The following CDC14B variants were observed in gnomAD, a reference collection of about 807,000 sequenced individuals.
CDC14B encodes the protein dual specificity protein phosphatase CDC14B.
CDC14B carries 22 observed loss-of-function variants against 64.2 expected under a neutral mutation model. That is an observed-to-expected ratio of 0.34 (90% CI 0.24 to 0.49). The LOEUF (loss-of-function observed/expected upper bound fraction) is 0.49. Among genes scored for constraint, CDC14B ranks in the 20% least tolerant of loss-of-function variants. The probability of loss-of-function intolerance (pLI) is 0.99; values close to 1 mark genes in which losing one functional copy is unlikely to be tolerated. For synonymous variants in CDC14B, 191 were observed against 215.8 expected, an observed-to-expected ratio of 0.89 and a Z score of 1.01; for missense variants, 498 against 629.9, an observed-to-expected ratio of 0.79 and a Z score of 2.24.
rs575021229 is a variant in CDC14B at position 96,565,592 on chromosome 9, C to T, written c.161-109G>A. The stretch of plus-strand genomic sequence containing the variant: ...GTCAATTTTTCATTTTTTTCATGCA[C>T]GTTTCAGATGGTAGGAGTGGTAATG... On this transcript the variant is annotated intron_variant, in intron 1 of 13. Coordinates refer to ENST00000375241, the MANE Select transcript of CDC14B (RefSeq NM_033331.4). 1.3e-3 allele frequency: 986 copies of T among 779,908 alleles called. 3 individuals are homozygous for T. The highest frequency in any genetic ancestry group is 1.8e-3 in the Non-Finnish European group (766 of 432,834). 48.3% of individuals were successfully genotyped at this position (779,908 alleles called of 1,614,324 possible). A position where few individuals can be genotyped will look rare whatever the true frequency, so the allele number is the denominator to read the frequency against.
At chr9:96,569,446 C>CA (rs767360807) in intron 1 of CDC14B, among the ~76,000 whole-genome samples, 5 of 152,166 alleles carry the variant, frequency 3.3e-5, no homozygotes, top group Non-Finnish European at 7.4e-5. Context: ...ACCTTAAGTT[C>CA]AATTCCTTAA....
chr9:96,542,500 T>C (rs1840199761), intron 5 of CDC14B, among the ~76,000 whole-genome samples: 1 of 152,110 alleles, frequency 6.6e-6, no homozygotes, highest in Non-Finnish European at 1.5e-5. Context: ...GGGTTTTTTT[T>C]TTAAACTTTT....
chr9:96,549,037 T>C (rs1841401675), intron 5 of CDC14B, among the ~76,000 whole-genome samples: 2 of 152,232 alleles, frequency 1.3e-5, no homozygotes, highest in Non-Finnish European at 2.9e-5. Flanking sequence ...TTAATTCTGA[T>C]TGGACTACTT....
At chr9:96,514,034 C>A (rs1222313385) in intron 12 of CDC14B, among the ~76,000 whole-genome samples, 1 of 152,178 alleles carries the variant, frequency 6.6e-6, no homozygotes, top group Non-Finnish European at 1.5e-5. Flanking sequence ...TGATTAACAC[C>A]ACTGTAACTG....
At chr9:96,595,965 A>C (rs887965528) in intron 1 of CDC14B, among the ~76,000 whole-genome samples, 1 of 152,236 alleles carries the variant, frequency 6.6e-6, no homozygotes, top group Non-Finnish European at 1.5e-5. Context: ...TTGACATTTG[A>C]ATACTATATA....
intron 1 of CDC14B, among the ~76,000 whole-genome samples, chr9:96,609,588 G>T (rs1477727001): frequency 6.6e-6 from 1 of 152,062 alleles, no homozygotes; most frequent in East Asian, 1.9e-4. Flanking sequence ...GATAATAAAT[G>T]AGCAAAACGC....
chr9:96,600,865 T>C (rs1335187448), intron 1 of CDC14B, among the ~76,000 whole-genome samples: 2 of 152,134 alleles, frequency 1.3e-5, no homozygotes, highest in Non-Finnish European at 1.5e-5. Flanking sequence ...AGGGATGGTG[T>C]CCACAACTCC....
At chr9:96,510,542 T>C (rs1834772090) in intron 12 of CDC14B, among the ~76,000 whole-genome samples, 1 of 152,196 alleles carries the variant, frequency 6.6e-6, no homozygotes, top group Admixed American at 6.5e-5. Flanking sequence ...GGTTTTTTTT[T>C]TTCTTTCCTC....
chr9:96,562,957 G>A (rs1843416716), intron 3 of CDC14B, among the ~76,000 whole-genome samples, 172 bp from the exon 4 acceptor site: 1 of 152,080 alleles, frequency 6.6e-6, no homozygotes, highest in East Asian at 1.9e-4. Context: ...CCATAAAAAG[G>A]CACATTCTGG....
Position 96,502,050 on chromosome 9 carries a change from T to A in CDC14B, c.*1703A>T, listed in dbSNP as rs1426005627. 6.6e-6 allele frequency: 1 copy of A among 152,208 alleles called. No homozygotes were observed. The highest frequency in any genetic ancestry group is 2.4e-5 in the African/African-American group (1 of 41,450). The allele number at this position is 152,208 out of a possible 1,614,324, so 9.4% of individuals were successfully genotyped here. ...TCTCAGCTCAAAATAGCAAAAGGAATGTTCCTCCTCCCACCCAAATCTTAT... is the reference window on the plus strand; with the variant it reads ...TCTCAGCTCAAAATAGCAAAAGGAAAGTTCCTCCTCCCACCCAAATCTTAT... On this transcript the variant is annotated 3_prime_UTR_variant, in exon 14 of 14. Transcript: ENST00000375241.
At chr9:96,604,835 C>CT (rs911859698) in intron 1 of CDC14B, among the ~76,000 whole-genome samples, 3 of 151,920 alleles carry the variant, frequency 2.0e-5, no homozygotes, top group African/African-American at 7.3e-5. Flanking sequence ...TGCCCAGCTA[C>CT]TTTTTTTGTA....
chr9:96,551,921 A>G, intron 4 of CDC14B, 49 bp from the exon 5 acceptor site: 1 of 1,578,034 alleles, frequency 6.3e-7, no homozygotes, highest in Non-Finnish European at 8.6e-7. Flanking sequence ...AAGTGAAGAT[A>G]CAGTGCTGTC....
intron 9 of CDC14B, among the ~76,000 whole-genome samples, chr9:96,524,333 G>A (rs1261403331): frequency 6.7e-6 from 1 of 149,978 alleles, no homozygotes; most frequent in Non-Finnish European, 1.5e-5. Flanking sequence ...TAGCCGAGGT[G>A]GAGAATCACT....
intron 1 of CDC14B, among the ~76,000 whole-genome samples, chr9:96,593,505 G>C (rs898089486): frequency 7.0e-6 from 1 of 143,810 alleles, no homozygotes; most frequent in African/African-American, 2.6e-5. Context: ...AAAAAAAAAA[G>C]CAAGCCATAC....
intron 1 of CDC14B, among the ~76,000 whole-genome samples, chr9:96,586,076 C>T (rs1235120505): frequency 6.6e-6 from 1 of 151,990 alleles, no homozygotes; most frequent in Non-Finnish European, 1.5e-5. Context: ...AGGAAAGACC[C>T]AGGGAACTTT....
At position 96,599,576 on chromosome 9, in the gene CDC14B, T is replaced by C. The variant is rs190967216; in HGVS notation, c.160+19643A>G. Among the ~76,000 whole-genome samples the C allele has an allele frequency of 2.5e-3, 379 of 152,276 alleles. 1 individual carries two copies. The highest frequency in any genetic ancestry group is 8.6e-3 in the African/African-American group (358 of 41,570). On this transcript the variant is annotated intron_variant, in intron 1 of 13. Coordinates refer to ENST00000375241, the MANE Select transcript of CDC14B (RefSeq NM_033331.4). ...GACTGTATCCTGAACAGAACAAAGA[T>C]ACTAATGAAAAACCTGGGGAAATCC...
intron 1 of CDC14B, among the ~76,000 whole-genome samples, chr9:96,570,606 G>A: frequency 6.6e-6 from 1 of 152,184 alleles, no homozygotes; most frequent in East Asian, 1.9e-4. Flanking sequence ...TTAGCCACTT[G>A]TTTTTTGAGG....
intron 12 of CDC14B, among the ~76,000 whole-genome samples, chr9:96,520,627 T>C (rs1836546908): frequency 6.6e-6 from 1 of 152,214 alleles, no homozygotes; most frequent in Non-Finnish European, 1.5e-5. Context: ...TCAACTTGAC[T>C]TTTGAACAGC....
At chr9:96,588,284 T>C (rs1027266137) in intron 1 of CDC14B, among the ~76,000 whole-genome samples, 1 of 152,084 alleles carries the variant, frequency 6.6e-6, no homozygotes, top group African/African-American at 2.4e-5. Flanking sequence ...CAACAACACA[T>C]TTCCACAGCA....
Sources: gnomAD v4.1 joint callset for allele counts (sites outside exome capture counted in the v4.1 genomes callset) on GRCh38, gnomAD v4.1.1 for gene constraint, MANE v1.5 for transcripts, NCBI Gene and HGNC (gene_info 2026-07-23, HGNC 2026-07-21) for gene names.